The following PPARGC1A variants were observed in gnomAD, a reference collection of about 807,000 sequenced individuals.
PPARGC1A encodes PPARG coactivator 1 alpha.
PPARGC1A carries 25 observed loss-of-function variants against 88.7 expected under a neutral mutation model. The observed-to-expected ratio is 0.28, with a 90% CI of 0.21 to 0.39. The LOEUF (loss-of-function observed/expected upper bound fraction) is 0.39, where lower values mean the gene tolerates loss of function less well. Among genes scored for constraint, PPARGC1A ranks in the 10% least tolerant of loss-of-function variants. The pLI is 1.00. For missense variants in PPARGC1A, 880 were observed against 968.7 expected, an observed-to-expected ratio of 0.91 and a Z score of 1.22; for synonymous variants, 363 against 355.6, an observed-to-expected ratio of 1.02 and a Z score of -0.24.
At chr4:24,434,465 C>T in the PPARGC1A span, among the ~76,000 whole-genome samples, 1 of 152,276 alleles carries the variant, frequency 6.6e-6, no homozygotes, top group East Asian at 1.9e-4. Context: ...ATGCAAAAGG[C>T]CATAAAAAGC....
chr4:23,882,529 C>T (rs892285834), intron 2 of PPARGC1A: 1 of 152,072 alleles, frequency 6.6e-6, no homozygotes, highest in Non-Finnish European at 1.5e-5. Context: ...CGTAGCATCC[C>T]CTTGTCCCCA....
intron 1 of PPARGC1A, among the ~76,000 whole-genome samples, chr4:23,897,956 A>G (rs756633711): frequency 2.6e-5 from 4 of 152,220 alleles, no homozygotes; most frequent in African/African-American, 9.6e-5. Flanking sequence ...TGTGGTAGTC[A>G]TTACAAGTGA....
At position 23,884,804 on chromosome 4, in the gene PPARGC1A, T is replaced by G; in HGVS notation, c.182A>C (p.Gln61Pro). ...GTACTGATTGGATATTATTTCTGATTGGTCACTGCACCACTTGAGTCCACC... is the reference window on the plus strand; with the variant it reads ...GTACTGATTGGATATTATTTCTGATGGGTCACTGCACCACTTGAGTCCACC... ...FLGGLKWCSD[Q>P]SEIISNQYNN... The change falls in exon 2 of 13, where the codon CAA (glutamine) becomes CCA (proline). Residue 61 changes from glutamine to proline, a missense_variant. By Grantham distance (76) the Gln-to-Pro change is moderately conservative (BLOSUM62 -1). Coordinates refer to ENST00000264867, the MANE Select transcript of PPARGC1A (RefSeq NM_013261.5). 13 of 1,613,984 alleles carry G rather than the reference T, an allele frequency of 8.1e-6. No individual in the cohort carries two copies. The highest frequency in any genetic ancestry group is 1.0e-5 in the Non-Finnish European group (12 of 1,179,914).
chr4:23,895,827 A>G (rs1718495263), intron 1 of PPARGC1A, among the ~76,000 whole-genome samples: 1 of 152,066 alleles, frequency 6.6e-6, no homozygotes, highest in South Asian at 2.1e-4. Context: ...GAATGTGTAC[A>G]AAGATTTTTC....
chr4:24,310,300 G>A, the PPARGC1A span, among the ~76,000 whole-genome samples: 3 of 152,132 alleles, frequency 2.0e-5, no homozygotes, highest in African/African-American at 4.8e-5. Flanking sequence ...CCACAAAAAT[G>A]GGAAAGTCAC....
At chr4:23,989,405 C>A in the PPARGC1A span, among the ~76,000 whole-genome samples, 2 of 151,944 alleles carry the variant, frequency 1.3e-5, no homozygotes, top group Non-Finnish European at 2.9e-5. Flanking sequence ...TTGAGCTTTA[C>A]ATTTTTAACC....
chr4:24,348,792 C>T, the PPARGC1A span, among the ~76,000 whole-genome samples: 5 of 152,150 alleles, frequency 3.3e-5, no homozygotes, highest in African/African-American at 1.2e-4. Flanking sequence ...AACTAACCTC[C>T]TAAATTCTTT....
At chr4:24,410,974 G>GA in the PPARGC1A span, among the ~76,000 whole-genome samples, 14 of 152,136 alleles carry the variant, frequency 9.2e-5, no homozygotes, top group Middle Eastern at 3.2e-3. Context: ...TTGTAATTGT[G>GA]TGAGTCACTT....
chr4:23,996,427 C>T, the PPARGC1A span, among the ~76,000 whole-genome samples: 1 of 152,174 alleles, frequency 6.6e-6, no homozygotes, highest in South Asian at 2.1e-4. Context: ...CCAGTCAGAA[C>T]TGCAGAACAG....
the PPARGC1A span, among the ~76,000 whole-genome samples, chr4:24,317,708 T>C: frequency 2.1e-3 from 316 of 151,396 alleles, no homozygotes; most frequent in Middle Eastern, 0.01. Context: ...TTCAGAGCTG[T>C]GGCTGCTGTT....
At chr4:24,421,404 G>A in the PPARGC1A span, among the ~76,000 whole-genome samples, 28 of 151,166 alleles carry the variant, frequency 1.9e-4, 1 homozygote, top group Middle Eastern at 6.8e-3. Flanking sequence ...TCCGCCTCCC[G>A]GGTTCACGCC....
the PPARGC1A span, among the ~76,000 whole-genome samples, chr4:24,158,068 C>T: frequency 6.7e-6 from 1 of 149,496 alleles, no homozygotes; most frequent in Non-Finnish European, 1.5e-5. Context: ...CTTCCCCCCT[C>T]CCTCCTATGT....
the PPARGC1A span, among the ~76,000 whole-genome samples, chr4:24,405,389 G>A: frequency 5.3e-5 from 8 of 152,154 alleles, no homozygotes; most frequent in African/African-American, 9.7e-5. Flanking sequence ...AGAGAAGAGC[G>A]AGAGCTTTTA....
the PPARGC1A span, among the ~76,000 whole-genome samples, chr4:24,031,899 A>G: frequency 7.9e-5 from 12 of 152,320 alleles, no homozygotes; most frequent in African/African-American, 2.2e-4. Flanking sequence ...AGTCTAACTT[A>G]GATTTTGCCT....
the PPARGC1A span, among the ~76,000 whole-genome samples, chr4:24,254,992 A>C: frequency 6.6e-6 from 1 of 152,094 alleles, no homozygotes; most frequent in Non-Finnish European, 1.5e-5. Context: ...CACTCTTGCC[A>C]CTCCAATTTT....
At chr4:24,429,956 G>C in the PPARGC1A span, among the ~76,000 whole-genome samples, 1 of 152,080 alleles carries the variant, frequency 6.6e-6, no homozygotes, top group Non-Finnish European at 1.5e-5. Context: ...TGGTCTGACA[G>C]TGAGAATTTA....
chr4:24,015,773 G>T, the PPARGC1A span, among the ~76,000 whole-genome samples: 1 of 152,144 alleles, frequency 6.6e-6, no homozygotes, highest in Non-Finnish European at 1.5e-5. Flanking sequence ...GTACAAAGCC[G>T]CTCAGAGAAA....
intron 2 of PPARGC1A, among the ~76,000 whole-genome samples, chr4:23,853,771 A>G (rs1729723658): frequency 6.6e-6 from 1 of 152,210 alleles, no homozygotes; most frequent in Admixed American, 6.5e-5. Context: ...TTTCTGGAGT[A>G]TCTTCCACAT....
At chr4:23,912,659 G>A in the PPARGC1A span, among the ~76,000 whole-genome samples, 3 of 152,122 alleles carry the variant, frequency 2.0e-5, no homozygotes, top group Non-Finnish European at 2.9e-5. Context: ...TATGAAACCT[G>A]CCTGAATTCC....
Sources: gnomAD v4.1 joint callset for allele counts (sites outside exome capture counted in the v4.1 genomes callset) on GRCh38, gnomAD v4.1.1 for gene constraint, MANE v1.5 for transcripts, NCBI Gene and HGNC (gene_info 2026-07-23, HGNC 2026-07-21) for gene names.